The following FAM91A1 variants were observed in gnomAD, a reference collection of about 807,000 sequenced individuals.
The protein encoded by FAM91A1 is family with sequence similarity 91 member A1.
FAM91A1 carries 41 observed loss-of-function variants against 113.5 expected under a neutral mutation model. The observed-to-expected ratio is 0.36, with a 90% confidence interval of 0.28 to 0.47. The LOEUF (loss-of-function observed/expected upper bound fraction) is 0.47, where lower values mean the gene tolerates loss of function less well. Ranked by LOEUF, FAM91A1 falls within the 20% of genes least tolerant of loss-of-function variation. FAM91A1 has a pLI of 1.00. For synonymous variants in FAM91A1, 307 were observed against 347.9 expected (o/e 0.88, Z 1.31); for missense variants, 696 against 1,001.2 (o/e 0.70, Z 4.11).
intron 16 of FAM91A1, 52 bp from the exon 17 acceptor site, chr8:123,799,468 C>T (rs1815622504): frequency 1.9e-6 from 3 of 1,540,002 alleles, no homozygotes; most frequent in African/African-American, 1.4e-5. Context: ...TGTTCTCGGT[C>T]ACTTATGTAA....
chr8:123,787,793 A>G (rs1815294613), intron 14 of FAM91A1, 43 bp downstream of exon 14: 1 of 1,506,372 alleles, frequency 6.6e-7, no homozygotes, highest in Non-Finnish European at 9.1e-7. Flanking sequence ...GGCATTTGGA[A>G]TCTGTCCTTG....
intron 3 of FAM91A1, among the ~76,000 whole-genome samples, chr8:123,776,089 A>G (rs1814977925): frequency 6.6e-6 from 1 of 152,262 alleles, no homozygotes; most frequent in Non-Finnish European, 1.5e-5. Flanking sequence ...ATATGTTAGT[A>G]GTCTTGGCTG....
At chr8:123,778,166 T>A (rs1815033860) in intron 5 of FAM91A1, 74 bp downstream of exon 5, 1 of 1,101,476 alleles carries the variant, frequency 9.1e-7, no homozygotes, top group Admixed American at 2.2e-5. Context: ...GTGGTAGAAA[T>A]AATGAATTGT....
chr8:123,784,852 C>T (rs746371392), intron 9 of FAM91A1: 37 of 407,874 alleles, frequency 9.1e-5, no homozygotes, highest in Non-Finnish European at 1.3e-4. Context: ...TTAAATGAGA[C>T]GAAATTAAAG....
At chr8:123,784,049 A>G (rs1815189863) in intron 8 of FAM91A1, among the ~76,000 whole-genome samples, 1 of 152,232 alleles carries the variant, frequency 6.6e-6, no homozygotes, top group South Asian at 2.1e-4. Flanking sequence ...CGTATAGCGT[A>G]GCAACTCTTT....
intron 16 of FAM91A1, among the ~76,000 whole-genome samples, chr8:123,798,930 A>T (rs1815610115): frequency 6.6e-6 from 1 of 152,114 alleles, no homozygotes; most frequent in Non-Finnish European, 1.5e-5. Context: ...TCAACAAGAG[A>T]TTTGCATCTA....
chr8:123,807,114 T>G (rs1815830820), intron 20 of FAM91A1, among the ~76,000 whole-genome samples: 1 of 152,140 alleles, frequency 6.6e-6, no homozygotes, highest in African/African-American at 2.4e-5. Flanking sequence ...ATGTGATTGA[T>G]TACTTGCCAT....
chr8:123,782,981 G>A (rs1430340163), intron 8 of FAM91A1, among the ~76,000 whole-genome samples: 2 of 152,022 alleles, frequency 1.3e-5, no homozygotes, highest in Non-Finnish European at 2.9e-5. Context: ...ACCAGCCTGG[G>A]CAATATAAAG....
chr8:123,806,202 A>C lies in FAM91A1; in HGVS notation c.2005A>C (p.Lys669Gln), dbSNP rs1282770893. 6.2e-7 allele frequency: 1 copy of C among 1,613,034 alleles called. No homozygotes were observed. The highest frequency in any genetic ancestry group is 1.3e-5 in the African/African-American group (1 of 74,878). ...LNASSQLADRKLSDASDERGE... is the reference protein window; with the variant it reads ...LNASSQLADRQLSDASDERGE... ...TGCTTCCAGCCAACTTGCAGATAGAAAACTCAGTGATGCTTCTGATGAGAG... is the reference window on the plus strand; with the variant it reads ...TGCTTCCAGCCAACTTGCAGATAGACAACTCAGTGATGCTTCTGATGAGAG... The change falls in exon 20 of 24, where the codon AAA (lysine) becomes CAA (glutamine). Residue 669 changes from lysine to glutamine, a missense_variant. Lys to Gln is a moderately conservative substitution (Grantham distance 53, BLOSUM62 1). Transcript: ENST00000334705.
At chr8:123,789,533 A>G (rs1160294027) in intron 14 of FAM91A1, 80 bp from the exon 15 acceptor site, 24 of 1,575,512 alleles carry the variant, frequency 1.5e-5, no homozygotes, top group Middle Eastern at 2.3e-4. Flanking sequence ...ATAATGTCTT[A>G]TATCTCTATT....
chr8:123,788,648 T>A (rs1336775023), intron 14 of FAM91A1, among the ~76,000 whole-genome samples: 1 of 152,282 alleles, frequency 6.6e-6, no homozygotes, highest in East Asian at 1.9e-4. Context: ...CCCCATTTCT[T>A]ATTGTATATT....
chr8:123,782,410 G>A (rs916384768), intron 8 of FAM91A1, among the ~76,000 whole-genome samples: 3 of 152,142 alleles, frequency 2.0e-5, no homozygotes, highest in Non-Finnish European at 2.9e-5. Flanking sequence ...TTTCAGATAC[G>A]TTTCAACAAC....
In FAM91A1 at chr8:123,789,608, T is replaced by C. The variant is rs374561115; in HGVS notation, c.1279-5T>C. On this transcript the variant is annotated splice_region_variant and splice_polypyrimidine_tract_variant and intron_variant, in intron 14 of 23. Coordinates refer to ENST00000334705, the MANE Select transcript of FAM91A1 (RefSeq NM_144963.4). ...TGTTGCAAAATCTATTTTCTCTTGG[T>C]TTAGGTTCAGAGCACTGGTGAAGGA... 3.1e-6 allele frequency: 5 copies of C among 1,611,426 alleles called. No homozygotes were observed. In the African/African-American group the frequency reaches 6.7e-5, roughly 22 times the overall value.
chr8:123,799,066 C>T (rs961534521), intron 16 of FAM91A1, among the ~76,000 whole-genome samples: 38 of 152,098 alleles, frequency 2.5e-4, no homozygotes, highest in Non-Finnish European at 1.0e-4. Flanking sequence ...GAAGGGTGGG[C>T]GATTCCTCTT....
At chr8:123,812,014 G>GA (rs2130171665) in intron 23 of FAM91A1, 1 of 152,330 alleles carries the variant, frequency 6.6e-6, no homozygotes, top group East Asian at 1.9e-4. Flanking sequence ...TGGTATCACA[G>GA]GCATGTGCCA....
In FAM91A1 at chr8:123,786,545, G is replaced by A; in HGVS notation, c.1013G>A (p.Ser338Asn). The A allele has an allele frequency of 3.1e-6, 5 of 1,614,074 alleles. No homozygotes were observed. Among genetic ancestry groups the A allele is most frequent in the South Asian group, 2.2e-5 (2 of 91,082 alleles). Residue 338 changes from serine to asparagine, a missense_variant, in exon 12 of 24, where the codon AGT (serine) becomes AAT (asparagine). Transcript: ENST00000334705. The part of the protein sequence containing the change: ...KMLLSWDGGE[S>N]RSPVQEASSA... ...CTCTTGTCATGGGATGGAGGGGAAA[G>A]TAGGAGTCCTGTACAAGAAGCTTCA...
intron 20 of FAM91A1, among the ~76,000 whole-genome samples, chr8:123,806,495 T>G (rs1299186268): frequency 6.6e-6 from 1 of 152,170 alleles, no homozygotes; most frequent in East Asian, 1.9e-4. Context: ...CTTTATTAGG[T>G]TAGCTTTATA....
chr8:123,775,239 G>C lies in FAM91A1; in HGVS notation c.250G>C (p.Asp84His). 6.2e-7 allele frequency: 1 copy of C among 1,613,994 alleles called. No homozygotes were observed. The highest frequency in any genetic ancestry group is 8.5e-7 in the Non-Finnish European group (1 of 1,179,934). The change falls in exon 3 of 24, where the codon GAT (aspartate) becomes CAT (histidine). Residue 84 changes from aspartate to histidine, a missense_variant. Coordinates refer to ENST00000334705, the MANE Select transcript of FAM91A1 (RefSeq NM_144963.4). The part of the protein sequence containing the change: ...HLMLYPYHLS[D>H]IMVKGLRITP... The stretch of plus-strand genomic sequence containing the variant: ...CATGCTGTACCCTTACCATCTATCG[G>C]ATATTATGGTGAAAGGCTTGAGGAT...
intron 5 of FAM91A1, 138 bp from the exon 6 acceptor site, chr8:123,778,521 A>G (rs1815041203): frequency 1.2e-5 from 7 of 601,388 alleles, no homozygotes; most frequent in Non-Finnish European, 2.1e-5. Flanking sequence ...TAATATCTAG[A>G]ATTGTTAAGA....
Sources: allele counts gnomAD v4.1 joint callset (sites outside exome capture counted in the v4.1 genomes callset), GRCh38; gene constraint gnomAD v4.1.1; transcripts MANE v1.5; gene names NCBI Gene and HGNC (gene_info 2026-07-23, HGNC 2026-07-21).